The following CLCA1 variants were observed in gnomAD, a reference collection of about 807,000 sequenced individuals.
CLCA1 encodes the protein calcium-activated chloride channel regulator 1.
CLCA1 carries 59 observed loss-of-function variants against 85.6 expected under a neutral mutation model. The observed-to-expected ratio is 0.69, with a 90% confidence interval of 0.56 to 0.86. The LOEUF (loss-of-function observed/expected upper bound fraction) is 0.86, where lower values mean the gene tolerates loss of function less well. Ranked by LOEUF, CLCA1 falls within the 40% of genes least tolerant of loss-of-function variation. The pLI is 0.00. For synonymous variants in CLCA1, 396 were observed against 398.3 expected, an observed-to-expected ratio of 0.99 and a Z score of 0.07; for missense variants, 1,022 against 1,101.4, an observed-to-expected ratio of 0.93 and a Z score of 1.02.
chr1:86,499,045 G>A (rs1387344736), intron 13 of CLCA1, among the ~76,000 whole-genome samples: 2 of 152,198 alleles, frequency 1.3e-5, no homozygotes, highest in East Asian at 3.8e-4. Context: ...ACCTCACTTT[G>A]TTTCTGAAAT....
chr1:86,479,840 A>C (rs1352590033), intron 4 of CLCA1, among the ~76,000 whole-genome samples: 1 of 152,108 alleles, frequency 6.6e-6, no homozygotes, highest in Non-Finnish European at 1.5e-5. Context: ...AGCCGAGATC[A>C]TGCCACTGCA....
At chr1:86,469,543 C>T (rs1010604874) in intron 1 of CLCA1, among the ~76,000 whole-genome samples, 3 of 152,200 alleles carry the variant, frequency 2.0e-5, no homozygotes, top group African/African-American at 7.2e-5. Context: ...GAACCCCCTT[C>T]CCTGTGATCC....
rs1356391898 is a variant in CLCA1 at position 86,482,294 on chromosome 1, C to T, written c.647C>T (p.Thr216Ile). 6.8e-6 allele frequency: 11 copies of T among 1,613,814 alleles called. No homozygotes were observed. The highest frequency in any genetic ancestry group is 9.3e-6 in the Non-Finnish European group (11 of 1,179,698). Residue 216 changes from threonine to isoleucine, a missense_variant, in exon 5 of 14, where the codon ACA (threonine) becomes ATA (isoleucine). By Grantham distance (89) the Thr-to-Ile change is moderately conservative. Transcript: ENST00000394711. ...YTKRCTFNKV[T>I]GLYEKGCEFV... ...AAAAGATGCACATTCAATAAAGTAA[C>T]AGGACTCTATGAAAAAGGATGTGAG...
At position 86,500,158 on chromosome 1, in the gene CLCA1, T is replaced by G. The variant is rs149378109; in HGVS notation, c.*113T>G. 110 of 654,046 alleles carry G rather than the reference T, an allele frequency of 1.7e-4. No homozygotes were observed. The highest frequency in any genetic ancestry group is 1.7e-3 in the Admixed American group (57 of 33,972). 40.5% of individuals were successfully genotyped at this position (654,046 alleles called of 1,614,324 possible). A position where few individuals can be genotyped will look rare whatever the true frequency, so the allele number is the denominator to read the frequency against. On this transcript the variant is annotated 3_prime_UTR_variant, in exon 14 of 14. Coordinates refer to ENST00000394711, the MANE Select transcript of CLCA1 (RefSeq NM_001285.4). ...TAGGGGGCGATATACTAAATGTATA[T>G]AGTACATTTATACTAAATGTATTCC...
At chr1:86,475,512 G>A (rs756302652) in intron 3 of CLCA1, among the ~76,000 whole-genome samples, 1 of 152,150 alleles carries the variant, frequency 6.6e-6, no homozygotes, top group Admixed American at 6.5e-5. Flanking sequence ...TTTCTATTGT[G>A]GGAGACTGGC....
intron 5 of CLCA1, 85 bp downstream of exon 5, chr1:86,482,467 AG>A: frequency 7.7e-7 from 1 of 1,300,708 alleles, no homozygotes; most frequent in Non-Finnish European, 1.1e-6. Context: ...GGAGAATCAA[AG>A]TTTAGAGAAA....
Position 86,468,966 on chromosome 1 carries a change from A to T in CLCA1, c.-6A>T. ...AAAGAGAGAAATCACAGGGAGATGTACAGCAATGGGGCCATTTAAGAGTTC... is the reference window on the plus strand; with the variant it reads ...AAAGAGAGAAATCACAGGGAGATGTTCAGCAATGGGGCCATTTAAGAGTTC... On this transcript the variant is annotated 5_prime_UTR_variant, in exon 1 of 14. Coordinates refer to ENST00000394711, the MANE Select transcript of CLCA1 (RefSeq NM_001285.4). 6.3e-7 allele frequency: 1 copy of T among 1,597,964 alleles called. No homozygotes were observed. The highest frequency in any genetic ancestry group is 8.5e-7 in the Non-Finnish European group (1 of 1,171,194).
At chr1:86,492,704 T>G (rs1648169227) in intron 9 of CLCA1, among the ~76,000 whole-genome samples, 4 of 152,226 alleles carry the variant, frequency 2.6e-5, no homozygotes, top group African/African-American at 9.6e-5. Context: ...GCTCCCTCAT[T>G]CTATTCCAAA....
chr1:86,470,697 A>G (rs1243319063), intron 1 of CLCA1, among the ~76,000 whole-genome samples: 1 of 152,182 alleles, frequency 6.6e-6, no homozygotes, highest in Admixed American at 6.5e-5. Flanking sequence ...CTCTGTAACA[A>G]GAACACTTTA....
chr1:86,488,929 G>A, intron 7 of CLCA1, 67 bp from the exon 8 acceptor site: 1 of 1,362,342 alleles, frequency 7.3e-7, no homozygotes, highest in South Asian at 1.3e-5. Flanking sequence ...TTTCCTGTAA[G>A]CAGAATTTTC....
chr1:86,478,449 G>C (rs1647735118), intron 4 of CLCA1, among the ~76,000 whole-genome samples: 1 of 152,008 alleles, frequency 6.6e-6, no homozygotes, highest in South Asian at 2.1e-4. Context: ...AAGAGAGAGA[G>C]AGAGACATCA....
chr1:86,473,878 T>C lies in CLCA1; in HGVS notation c.451+2T>C. Reference sequence around the variant, plus strand: ...AGTTAGCTGAATATGGACCACAAGGTATGAAATATTCTACCATACTTCTCA... The same window carrying C: ...AGTTAGCTGAATATGGACCACAAGGCATGAAATATTCTACCATACTTCTCA... On this transcript the variant is annotated splice_donor_variant, in intron 3 of 13. Coordinates refer to ENST00000394711, the MANE Select transcript of CLCA1 (RefSeq NM_001285.4). LOFTEE classifies it high-confidence loss of function. The C allele has an allele frequency of 6.3e-7, 1 of 1,593,672 alleles. No homozygotes were observed. The highest frequency in any genetic ancestry group is 8.5e-7 in the Non-Finnish European group (1 of 1,169,620).
At position 86,494,411 on chromosome 1, in the gene CLCA1, A is replaced by G. The variant is rs745941125; in HGVS notation, c.1905A>G (p.Gly635=). Residue 635 remains glycine, a synonymous_variant, in exon 11 of 14, where the codon GGA becomes GGG. Transcript: ENST00000394711. ...SVTALIESVN[G]KTVTLELLDN... ...CAGCCCTGATTGAATCAGTGAATGG[A>G]AAAACAGTTACCTTGGAACTACTGG... 1 of 1,614,190 alleles carries G rather than the reference A, an allele frequency of 6.2e-7. No individual in the cohort carries two copies. The highest frequency in any genetic ancestry group is 1.1e-5 in the South Asian group (1 of 91,084).
At chr1:86,496,224 C>A (rs1249103812) in intron 12 of CLCA1, among the ~76,000 whole-genome samples, 1 of 152,188 alleles carries the variant, frequency 6.6e-6, no homozygotes, top group African/African-American at 2.4e-5. Context: ...TAATGAAGTT[C>A]TTTCCATTGA....
intron 8 of CLCA1, among the ~76,000 whole-genome samples, chr1:86,490,899 T>TAAAA (rs59948810): frequency 2.2e-5 from 2 of 89,702 alleles, no homozygotes; most frequent in Non-Finnish European, 4.6e-5. Context: ...AACCCATCTC[T>TAAAA]AAAAAAAAAA....
In CLCA1 at chr1:86,499,826, T is replaced by G. The variant is rs1309400962; in HGVS notation, c.2526T>G (p.Ile842Met). The change falls in exon 14 of 14, where the codon ATT becomes ATG. Residue 842 changes from isoleucine (I) to methionine (M), a missense_variant. Coordinates refer to ENST00000394711, the MANE Select transcript of CLCA1 (RefSeq NM_001285.4). ...TTGAAAATGGCACAGATCTTTTCAT[T>G]GCTATTCAGGCTGTTGATAAGGTCG... ...ITFENGTDLF[I>M]AIQAVDKVDL... 2.5e-6 allele frequency: 4 copies of G among 1,613,194 alleles called. No individual in the cohort carries two copies. Among genetic ancestry groups the G allele is most frequent in the South Asian group, 2.2e-5 (2 of 91,072 alleles).
Position 86,489,015 on chromosome 1 carries a change from C to T in CLCA1, c.1202C>T (p.Pro401Leu). Residue 401 changes from proline to leucine, a missense_variant, in exon 8 of 14, where the codon CCA (proline) becomes CTA (leucine). Coordinates refer to ENST00000394711, the MANE Select transcript of CLCA1 (RefSeq NM_001285.4). The part of the protein sequence containing the change: ...SAFTVIRKKY[P>L]TDGSEIVLLT... ...CCTTAGGTGATTAGGAAGAAATATC[C>T]AACTGATGGATCTGAAATTGTGCTG... 6.2e-7 allele frequency: 1 copy of T among 1,613,804 alleles called. No individual in the cohort carries two copies. Among genetic ancestry groups the T allele is most frequent in the Non-Finnish European group, 8.5e-7 (1 of 1,179,868 alleles).
intron 7 of CLCA1, among the ~76,000 whole-genome samples, chr1:86,488,188 C>G (rs909138): frequency 0.76 from 115,671 of 152,120 alleles, 44,179 homozygotes; most frequent in South Asian, 0.8. Context: ...TTCTAGGCCA[C>G]AGATGCTTAG....
chr1:86,483,185 C>T (rs1490385504), intron 5 of CLCA1, among the ~76,000 whole-genome samples: 3 of 152,158 alleles, frequency 2.0e-5, no homozygotes, highest in Non-Finnish European at 4.4e-5. Flanking sequence ...AGTCCATTCC[C>T]AGGCCTATTC....
Sources: gnomAD v4.1 joint callset for allele counts (sites outside exome capture counted in the v4.1 genomes callset) on GRCh38, gnomAD v4.1.1 for gene constraint, MANE v1.5 for transcripts, NCBI Gene and HGNC (gene_info 2026-07-23, HGNC 2026-07-21) for gene names.